The following SYNJ1 variants were observed in gnomAD, a reference collection of about 807,000 sequenced individuals.
SYNJ1 encodes synaptojanin 1.
In SYNJ1, 78 loss-of-function variants were observed where a neutral mutation model predicts 168.2. The observed-to-expected ratio is 0.46, with a 90% CI of 0.39 to 0.56. The LOEUF (loss-of-function observed/expected upper bound fraction) is 0.56. SYNJ1 is among the 20% of genes least tolerant of loss of function. The probability of loss-of-function intolerance (pLI) is 0.00; values close to 1 mark genes in which losing one functional copy is unlikely to be tolerated. For synonymous variants in SYNJ1, 539 were observed against 548.6 expected, an observed-to-expected ratio of 0.98 and a Z score of 0.24; for missense variants, 1,303 against 1,597.6, an observed-to-expected ratio of 0.82 and a Z score of 3.14.
intron 2 of SYNJ1, among the ~76,000 whole-genome samples, chr21:32,705,791 G>T (rs1265105478): frequency 1.3e-5 from 2 of 152,104 alleles, no homozygotes; most frequent in African/African-American, 2.4e-5. Context: ...TTCGAGACCA[G>T]CCTGGGCAAC....
intron 22 of SYNJ1, among the ~76,000 whole-genome samples, chr21:32,651,761 T>C (rs2040277965): frequency 1.3e-5 from 2 of 152,206 alleles, no homozygotes; most frequent in Admixed American, 6.5e-5. Context: ...ACTGGAATAT[T>C]GGCTTTAATA....
rs948269524 is a variant in SYNJ1, at chr21:32,695,826, C to A, written c.480-544G>T. On this transcript the variant is annotated intron_variant, in intron 4 of 32. Transcript: ENST00000674351. ...TACAGGCATGCACCACCAAGCCGGG[C>A]TAATTTTTTGTTTTGTTTTGTTTTT... is the stretch of plus-strand genomic sequence containing the variant. Among the ~76,000 whole-genome samples, 30 of 148,610 alleles carry A rather than the reference C, an allele frequency of 2.0e-4. No individual in the cohort carries two copies. The East Asian group carries it at 5.8e-3, about 29-fold the overall frequency.
intron 14 of SYNJ1, among the ~76,000 whole-genome samples, chr21:32,672,857 A>G (rs1227911082): frequency 6.6e-6 from 1 of 152,248 alleles, no homozygotes; most frequent in African/African-American, 2.4e-5. Flanking sequence ...TAGAGGATTA[A>G]GAATTGAAAA....
intron 2 of SYNJ1, among the ~76,000 whole-genome samples, chr21:32,715,310 A>G (rs1239686947): frequency 6.6e-6 from 1 of 152,056 alleles, no homozygotes; most frequent in African/African-American, 2.4e-5. Context: ...TGTCTCTAAT[A>G]AAGAGATACA....
chr21:32,691,064 T>A lies in SYNJ1; in HGVS notation c.790-2697A>T, dbSNP rs1185341782. Among the ~76,000 whole-genome samples the A allele has an allele frequency of 4.6e-5, 7 of 152,364 alleles. No homozygotes were observed. In the East Asian group the frequency reaches 1.2e-3, roughly 25 times the overall value. On this transcript the variant is annotated intron_variant, in intron 6 of 32. Coordinates refer to ENST00000674351, the MANE Select transcript of SYNJ1 (RefSeq NM_203446.3). ...CAAAAATTGGGGGTAGACCTTACAA[T>A]GTTTACCATTTTTTGACTGATTGAT...
At chr21:32,633,405 C>T (rs1325281112) in intron 32 of SYNJ1, among the ~76,000 whole-genome samples, 2 of 152,072 alleles carry the variant, frequency 1.3e-5, no homozygotes, top group Non-Finnish European at 2.9e-5. Context: ...ATTCTTGCCT[C>T]ATAAGCAAAT....
intron 28 of SYNJ1, 54 bp from the exon 29 acceptor site, chr21:32,642,020 C>A: frequency 6.2e-7 from 1 of 1,612,924 alleles, no homozygotes; most frequent in Non-Finnish European, 8.5e-7. Context: ...AAACAAGAAA[C>A]CATGTACTTA....
At position 32,699,855 on chromosome 21, in the gene SYNJ1, A is replaced by T. The variant is rs369978981; in HGVS notation, c.462T>A (p.Thr154=). 19 of 1,611,794 alleles carry T rather than the reference A, an allele frequency of 1.2e-5. No homozygotes were observed. In the African/African-American group the frequency reaches 2.5e-4, roughly 22 times the overall value. The part of the protein sequence containing the change: ...NAHRSMQEQT[T]DNRFFWNQSL... The stretch of plus-strand genomic sequence containing the variant: ...GAACTCACCAGAAAAATCTATTATC[A>T]GTTGTCTGTTCTTGCATGCTACGAT... The change falls in exon 4 of 33, where the codon ACT becomes ACA. Residue 154 remains threonine (T), a synonymous_variant. Coordinates refer to ENST00000674351, the MANE Select transcript of SYNJ1 (RefSeq NM_203446.3).
rs1601259728 is a variant in SYNJ1 at position 32,645,680 on chromosome 21, G to A, written c.3357C>T (p.Arg1119=). Residue 1119 remains arginine (R), a synonymous_variant, in exon 25 of 33, where the codon CGC becomes CGT. Coordinates refer to ENST00000674351, the MANE Select transcript of SYNJ1 (RefSeq NM_203446.3). ...GAGGAGGTCTCTGTGGGGGAGCCGG[G>A]CGTGTGGGAGGGGCGACCGGGCGGG... ...PPPRPVAPPT[R]PAPPQRPPPP... The A allele has an allele frequency of 1.3e-5, 19 of 1,513,822 alleles. No individual in the cohort carries two copies. The highest frequency in any genetic ancestry group is 1.3e-5 in the Non-Finnish European group (15 of 1,136,368). The allele number at this position is 1,513,822 out of a possible 1,614,324, so 93.8% of individuals were successfully genotyped here. A position where few individuals can be genotyped will look rare whatever the true frequency, so the allele number is the denominator to read the frequency against.
intron 2 of SYNJ1, among the ~76,000 whole-genome samples, chr21:32,713,640 A>G (rs534376704): frequency 6.7e-6 from 1 of 148,986 alleles, no homozygotes; most frequent in Admixed American, 6.7e-5. Flanking sequence ...CCATATGTCA[A>G]CATGGATGAT....
chr21:32,658,928 T>C (rs1242752594), intron 18 of SYNJ1, among the ~76,000 whole-genome samples: 2 of 152,202 alleles, frequency 1.3e-5, no homozygotes, highest in South Asian at 4.1e-4. Context: ...TGCCTGATCT[T>C]TGAGCTATAT....
At chr21:32,728,388 G>T (rs528040430), upstream of SYNJ1, 6 of 237,864 alleles carry the variant, frequency 2.5e-5, no homozygotes, top group East Asian at 6.5e-4. Flanking sequence ...CGGGCCTGAC[G>T]GGAGAGGAGG....
At position 32,629,737 on chromosome 21, in the gene SYNJ1, T is replaced by C. The variant is rs542862465; in HGVS notation, c.*2068A>G. The C allele has an allele frequency of 8.5e-5, 13 of 152,462 alleles. No homozygotes were observed. In the South Asian group the frequency reaches 2.7e-3, roughly 32 times the overall value. The allele number at this position is 152,462 out of a possible 1,614,324, so 9.4% of individuals were successfully genotyped here. A position where few individuals can be genotyped will look rare whatever the true frequency, so the allele number is the denominator to read the frequency against. Reference sequence around the variant, plus strand: ...TGCTCAAGGAGTTTTCTGATTGGTTTACTTAATGATATCAAAATACTACAT... The same window carrying C: ...TGCTCAAGGAGTTTTCTGATTGGTTCACTTAATGATATCAAAATACTACAT... On this transcript the variant is annotated 3_prime_UTR_variant, in exon 33 of 33. Coordinates refer to ENST00000674351, the MANE Select transcript of SYNJ1 (RefSeq NM_203446.3).
intron 2 of SYNJ1, 52 bp from the exon 3 acceptor site, chr21:32,702,099 AT>A: frequency 1.5e-6 from 2 of 1,295,644 alleles, no homozygotes; most frequent in Non-Finnish European, 2.2e-6. Flanking sequence ...ATTGGATTCT[AT>A]TTAGCTAAGT....
chr21:32,677,245 G>T (rs549238936), intron 12 of SYNJ1, among the ~76,000 whole-genome samples: 1 of 152,236 alleles, frequency 6.6e-6, no homozygotes, highest in East Asian at 1.9e-4. Context: ...AGCCATCTTA[G>T]TTCTGCTGGG....
At chr21:32,677,981 C>A (rs937271042) in intron 12 of SYNJ1, among the ~76,000 whole-genome samples, 2 of 152,020 alleles carry the variant, frequency 1.3e-5, no homozygotes, top group African/African-American at 2.4e-5. Flanking sequence ...AAAAGTAAGT[C>A]TAATCTATTA....
intron 2 of SYNJ1, among the ~76,000 whole-genome samples, chr21:32,712,549 G>GAAA (rs147530419): frequency 6.9e-6 from 1 of 144,386 alleles, no homozygotes; most frequent in Non-Finnish European, 1.5e-5. Flanking sequence ...GACATTTAAG[G>GAAA]AAAAAAAAAA....
intron 21 of SYNJ1, chr21:32,653,636 C>T (rs1409534965): frequency 1.3e-5 from 4 of 307,668 alleles, no homozygotes; most frequent in African/African-American, 2.2e-5. Flanking sequence ...AATCCAGTCC[C>T]ATCCAATCCT....
In SYNJ1 at chr21:32,650,296, T is replaced by A. The variant is rs1306889854; in HGVS notation, c.2925A>T (p.Lys975Asn). The A allele has an allele frequency of 6.2e-7, 1 of 1,614,126 alleles. No individual in the cohort carries two copies. Among genetic ancestry groups the A allele is most frequent in the South Asian group, 1.1e-5 (1 of 91,078 alleles). Residue 975 changes from lysine to asparagine, a missense_variant, in exon 23 of 33, where the codon AAA (lysine) becomes AAT (asparagine). Lys to Asn is a moderately conservative substitution (Grantham distance 94, BLOSUM62 0). Coordinates refer to ENST00000674351, the MANE Select transcript of SYNJ1 (RefSeq NM_203446.3). Reference sequence around the variant, plus strand: ...CTAAACTCATTTCTTCTTCCAAATTTTTGATCCAGTCTGGACTTTTTAAAG... The same window carrying A: ...CTAAACTCATTTCTTCTTCCAAATTATTGATCCAGTCTGGACTTTTTAAAG... ...TIALKSPDWI[K>N]NLEEEMSLEK...
Sources: gnomAD v4.1 joint callset for allele counts (sites outside exome capture counted in the v4.1 genomes callset) on GRCh38, gnomAD v4.1.1 for gene constraint, MANE v1.5 for transcripts, NCBI Gene and HGNC (gene_info 2026-07-23, HGNC 2026-07-21) for gene names.